Variants in EDIL3 observed in about 807,000 individuals in gnomAD.
The protein encoded by EDIL3 is EGF-like repeat and discoidin I-like domain-containing protein 3.
EDIL3 carries 37 observed loss-of-function variants against 67.4 expected under a neutral mutation model. The ratio of observed to expected loss-of-function variants is 0.55; its 90% CI spans 0.42 to 0.72. The LOEUF is 0.72. EDIL3 is among the 30% of genes least tolerant of loss of function. The probability of loss-of-function intolerance (pLI) is 0.00; values close to 1 mark genes in which losing one functional copy is unlikely to be tolerated. For synonymous variants in EDIL3, 195 were observed against 196.3 expected (o/e 0.99, Z 0.05); for missense variants, 527 against 586.3 (o/e 0.90, Z 1.04).
At chr5:84,028,634 CA>C (rs1745861142) in intron 9 of EDIL3, among the ~76,000 whole-genome samples, 1 of 151,640 alleles carries the variant, frequency 6.6e-6, no homozygotes, top group African/African-American at 2.4e-5. Context: ...GTTTAAACTT[CA>C]AAAAAAGTCC....
chr5:84,035,421 A>G (rs918164893), intron 9 of EDIL3, among the ~76,000 whole-genome samples: 1 of 152,148 alleles, frequency 6.6e-6, no homozygotes, highest in Non-Finnish European at 1.5e-5. Flanking sequence ...AAAACCAGTT[A>G]CAGTTTTAAA....
chr5:83,944,720 T>G (rs529987754), intron 10 of EDIL3, among the ~76,000 whole-genome samples: 2 of 152,158 alleles, frequency 1.3e-5, no homozygotes, highest in South Asian at 2.1e-4. Flanking sequence ...GTTTAAATTT[T>G]TAGAGTAAAA....
chr5:84,204,742 T>C (rs1352381283), intron 3 of EDIL3, among the ~76,000 whole-genome samples: 2 of 150,998 alleles, frequency 1.3e-5, no homozygotes, highest in Non-Finnish European at 2.9e-5. Flanking sequence ...AAATAGTTCT[T>C]AAAATTTTCT....
chr5:84,033,309 G>A (rs1035736877), intron 9 of EDIL3, among the ~76,000 whole-genome samples: 3 of 152,294 alleles, frequency 2.0e-5, no homozygotes, highest in Non-Finnish European at 2.9e-5. Context: ...CTTGACCACT[G>A]AGGATTAGTA....
At chr5:83,964,953 T>A (rs1382285056) in intron 9 of EDIL3, among the ~76,000 whole-genome samples, 2 of 152,014 alleles carry the variant, frequency 1.3e-5, no homozygotes, top group Admixed American at 1.3e-4. Context: ...CCTCATTTAA[T>A]CCTCCCAATA....
intron 1 of EDIL3, among the ~76,000 whole-genome samples, chr5:84,269,454 A>G (rs1326039397): frequency 6.6e-6 from 1 of 152,160 alleles, no homozygotes; most frequent in Non-Finnish European, 1.5e-5. Context: ...TTTCAGAAAT[A>G]TTATCTCAAT....
intron 1 of EDIL3, among the ~76,000 whole-genome samples, chr5:84,352,892 T>C (rs1391864115): frequency 6.6e-6 from 1 of 152,142 alleles, no homozygotes; most frequent in Non-Finnish European, 1.5e-5. Flanking sequence ...CTCCCTCACT[T>C]CTCACCATAG....
intron 9 of EDIL3, among the ~76,000 whole-genome samples, chr5:83,971,736 C>T (rs923645001): frequency 4.0e-5 from 6 of 151,800 alleles, no homozygotes; most frequent in African/African-American, 1.5e-4. Context: ...TGTCACATGC[C>T]AGTCATATAA....
chr5:83,988,264 A>T (rs547140538), intron 9 of EDIL3, among the ~76,000 whole-genome samples: 4 of 152,170 alleles, frequency 2.6e-5, no homozygotes, highest in Non-Finnish European at 5.9e-5. Context: ...ATAATTACAA[A>T]ATCTACTGAC....
chr5:84,335,915 T>G (rs1024624815), intron 1 of EDIL3, among the ~76,000 whole-genome samples: 1 of 152,204 alleles, frequency 6.6e-6, no homozygotes, highest in Non-Finnish European at 1.5e-5. Flanking sequence ...TCTGCAAAGA[T>G]AGCACTACTT....
intron 1 of EDIL3, among the ~76,000 whole-genome samples, chr5:84,375,264 C>T (rs1433949350): frequency 6.6e-6 from 1 of 152,118 alleles, no homozygotes; most frequent in Admixed American, 6.6e-5. Flanking sequence ...GCCACTGCGC[C>T]CAGCCTTCGA....
intron 9 of EDIL3, among the ~76,000 whole-genome samples, chr5:84,032,200 A>C (rs1745937271): frequency 6.6e-6 from 1 of 152,218 alleles, no homozygotes; most frequent in Non-Finnish European, 1.5e-5. Context: ...TTAGAATGGC[A>C]ATTCTTGTAA....
At position 84,160,240 on chromosome 5, in the gene EDIL3, T is replaced by C. The variant is rs550491847; in HGVS notation, c.355+20153A>G. ...TGTACTTGTTAACAATAAATAAACA[T>C]ACAAGCAAGTTATCTTATTTTCTTT... On this transcript the variant is annotated intron_variant, in intron 4 of 10. Coordinates refer to ENST00000296591, the MANE Select transcript of EDIL3 (RefSeq NM_005711.5). Among the ~76,000 whole-genome samples, 34 of 152,196 alleles carry C rather than the reference T, an allele frequency of 2.2e-4. No homozygotes were observed. The South Asian group carries it at 2.5e-3, about 11-fold the overall frequency.
chr5:84,261,449 CAATT>C (rs1260234561), intron 1 of EDIL3, among the ~76,000 whole-genome samples: 1 of 152,112 alleles, frequency 6.6e-6, no homozygotes, highest in Non-Finnish European at 1.5e-5. Flanking sequence ...CTTTTTCTCA[CAATT>C]AAAGCTTATG....
intron 9 of EDIL3, among the ~76,000 whole-genome samples, chr5:83,967,764 G>C (rs1303729489): frequency 6.6e-6 from 1 of 152,098 alleles, no homozygotes; most frequent in Non-Finnish European, 1.5e-5. Context: ...AAATTAAGTT[G>C]ATTTTCGTGA....
At chr5:84,198,434 T>C (rs936389999) in intron 3 of EDIL3, among the ~76,000 whole-genome samples, 2 of 152,052 alleles carry the variant, frequency 1.3e-5, no homozygotes, top group African/African-American at 4.8e-5. Context: ...AGTAGTGCTG[T>C]AGTGAAGCCA....
chr5:84,091,186 T>A (rs1159548813), intron 6 of EDIL3, among the ~76,000 whole-genome samples: 1 of 152,114 alleles, frequency 6.6e-6, no homozygotes, highest in East Asian at 1.9e-4. Flanking sequence ...CTTTTCAACT[T>A]ACTAAGTTTA....
chr5:84,174,344 A>G (rs1194930284), intron 4 of EDIL3, among the ~76,000 whole-genome samples: 2 of 152,210 alleles, frequency 1.3e-5, no homozygotes, highest in Admixed American at 1.3e-4. Context: ...AACTAACTAT[A>G]TATTGGACAA....
At chr5:84,382,867 A>C (rs1201236459) in intron 1 of EDIL3, among the ~76,000 whole-genome samples, 2 of 151,924 alleles carry the variant, frequency 1.3e-5, no homozygotes, top group African/African-American at 4.8e-5. Context: ...GGGGAAAATA[A>C]CCACATTCTG....
Sources: gnomAD v4.1 joint callset for allele counts (sites outside exome capture counted in the v4.1 genomes callset) on GRCh38, gnomAD v4.1.1 for gene constraint, MANE v1.5 for transcripts, NCBI Gene and HGNC (gene_info 2026-07-23, HGNC 2026-07-21) for gene names.